The following C1orf159 variants were observed in gnomAD, a reference collection of about 807,000 sequenced individuals.
C1orf159 encodes uncharacterized protein C1orf159.
C1orf159 carries 19 observed loss-of-function variants against 25.6 expected under a neutral mutation model. That is an observed-to-expected ratio of 0.74 (90% CI 0.52 to 1.09). The LOEUF (loss-of-function observed/expected upper bound fraction) is 1.09. C1orf159 is among the 50% of genes least tolerant of loss of function. C1orf159 has a pLI of 0.00. For synonymous variants in C1orf159, 139 were observed against 124.7 expected, an observed-to-expected ratio of 1.12 and a Z score of -0.77; for missense variants, 274 against 290.6, an observed-to-expected ratio of 0.94 and a Z score of 0.42.
At chr1:1,090,902 C>G (rs1354843204) in intron 3 of C1orf159, 1 of 1,550,254 alleles carries the variant, frequency 6.5e-7, no homozygotes, top group East Asian at 2.4e-5. Context: ...CATTCCCTGA[C>G]CACAGGCAGA....
chr1:1,107,924 C>A (rs775873750), intron 1 of C1orf159, among the ~76,000 whole-genome samples: 1 of 152,224 alleles, frequency 6.6e-6, no homozygotes, highest in Admixed American at 6.5e-5. Context: ...CCAAACACAT[C>A]TGAACATCAG....
chr1:1,087,063 G>A lies in C1orf159; in HGVS notation c.310+76C>T. On this transcript the variant is annotated intron_variant, in intron 6 of 9. Transcript: ENST00000421241. The surrounding 1 kb of genome is among the most constrained non-coding windows in gnomAD (Gnocchi z 8.3). ...AGCCTGCTGTGGCTGCGTCAAGGGT[G>A]AGGGTCTGCACTGGCTCCGACGGCC... 1 of 1,413,830 alleles carries A rather than the reference G, an allele frequency of 7.1e-7. No homozygotes were observed. Among genetic ancestry groups the A allele is most frequent in the East Asian group, 2.4e-5 (1 of 42,178 alleles). The allele number at this position is 1,413,830 out of a possible 1,614,324, so 87.6% of individuals were successfully genotyped here.
chr1:1,091,335 T>C (rs755832495), intron 3 of C1orf159, 137 bp downstream of exon 3: 15 of 861,482 alleles, frequency 1.7e-5, no homozygotes, highest in Middle Eastern at 2.2e-4. Context: ...ACCCCAGCAG[T>C]GGACCTGGTC....
rs371815645 is a variant in C1orf159, at chr1:1,087,202, C to A, written c.247G>T (p.Ala83Ser). 8.7e-4 allele frequency: 1,405 copies of A among 1,606,678 alleles called. 18 individuals are homozygous for A. The South Asian group carries it at 0.013, about 15-fold the overall frequency. ...ATGGGGAATGGCGCACCCGGGCCAGCAACTGTGGGATAGCAGAACTGTGGG... is the reference window on the plus strand; with the variant it reads ...ATGGGGAATGGCGCACCCGGGCCAGAAACTGTGGGATAGCAGAACTGTGGG... ...AYNGSECRSF[A>S]GPGAPFPMNR... Residue 83 changes from alanine to serine, a missense_variant and splice_region_variant, in exon 6 of 10, where the codon GCT becomes TCT. Coordinates refer to ENST00000421241, the MANE Select transcript of C1orf159 (RefSeq NM_017891.5). The surrounding 1 kb of genome is among the most constrained non-coding windows in gnomAD (Gnocchi z 8.3).
chr1:1,085,404 G>A (rs1357916586), intron 7 of C1orf159: 1 of 316,326 alleles, frequency 3.2e-6, no homozygotes, highest in East Asian at 9.1e-5. Context: ...AGTGGGAAGG[G>A]GTCAGTGCCC....
At position 1,089,017 on chromosome 1, in the gene C1orf159, C is replaced by T. The variant is rs549990233; in HGVS notation, c.148+1336G>A. 4.3e-4 allele frequency among the ~76,000 whole-genome samples: 66 copies of T among 152,332 alleles called. No homozygotes were observed. Among genetic ancestry groups the T allele is most frequent in the Non-Finnish European group, 5.4e-4 (37 of 68,018 alleles). On this transcript the variant is annotated intron_variant, in intron 4 of 9. Transcript: ENST00000421241. The surrounding 1 kb of genome is among the most constrained non-coding windows in gnomAD (Gnocchi z 7.5). ...GTCTGAGAGTCTCTGCCCCGGAGGCCGAAGAACGGAGTCCACGGCAGGGAG... is the reference window on the plus strand; with the variant it reads ...GTCTGAGAGTCTCTGCCCCGGAGGCTGAAGAACGGAGTCCACGGCAGGGAG...
In C1orf159 at chr1:1,082,922, G is replaced by C; in HGVS notation, c.568C>G (p.Pro190Ala). ...LDRATDPAAFPGEARISNV is the reference protein window; with the variant it reads ...LDRATDPAAFAGEARISNV ...ACATTGCTGATACGGGCCTCCCCCGGGAAGGCAGCGGGATCCGTGGCCCTG... is the reference window on the plus strand; with the variant it reads ...ACATTGCTGATACGGGCCTCCCCCGCGAAGGCAGCGGGATCCGTGGCCCTG... The change falls in exon 10 of 10, where the codon CCG becomes GCG. Residue 190 changes from proline to alanine, a missense_variant. Physicochemically the swap from Pro to Ala is conservative, Grantham distance 27. Coordinates refer to ENST00000421241, the MANE Select transcript of C1orf159 (RefSeq NM_017891.5). 1 of 1,601,988 alleles carries C rather than the reference G, an allele frequency of 6.2e-7. No individual in the cohort carries two copies. The highest frequency in any genetic ancestry group is 1.1e-5 in the South Asian group (1 of 88,950).
At chr1:1,091,130 G>A (rs1459398753) in intron 3 of C1orf159, 4 of 659,722 alleles carry the variant, frequency 6.1e-6, no homozygotes, top group South Asian at 5.8e-5. Context: ...GCTCCGCCTG[G>A]GAGTCTGGAG....
chr1:1,098,129 T>TG, intron 1 of C1orf159, among the ~76,000 whole-genome samples: 2 of 152,116 alleles, frequency 1.3e-5, no homozygotes, highest in East Asian at 3.9e-4. Context: ...AGTGCAGTGG[T>TG]GCGATCTTGG....
Position 1,091,568 on chromosome 1 carries a change from G to C in C1orf159, c.-22-3C>G, listed in dbSNP as rs1645936414. 6.5e-7 allele frequency: 1 copy of C among 1,545,468 alleles called. No individual in the cohort carries two copies. Among genetic ancestry groups the C allele is most frequent in the Non-Finnish European group, 8.7e-7 (1 of 1,144,518 alleles). Reference sequence around the variant, plus strand: ...TGCCAGGAGCAGATGCGCAGAGCCTGCCACAGGGAGGAGCATGCGGAGCCA... The same window carrying C: ...TGCCAGGAGCAGATGCGCAGAGCCTCCCACAGGGAGGAGCATGCGGAGCCA... On this transcript the variant is annotated splice_region_variant and splice_polypyrimidine_tract_variant and intron_variant, in intron 2 of 9. Transcript: ENST00000421241.
Position 1,090,628 on chromosome 1 carries a change from C to T in C1orf159, c.73-200G>A, listed in dbSNP as rs909319500. 7.2e-6 allele frequency: 5 copies of T among 694,906 alleles called. No homozygotes were observed. In the African/African-American group the frequency reaches 8.9e-5, roughly 12 times the overall value. 43.0% of individuals were successfully genotyped at this position (694,906 alleles called of 1,614,324 possible). On this transcript the variant is annotated intron_variant, in intron 3 of 9. Coordinates refer to ENST00000421241, the MANE Select transcript of C1orf159 (RefSeq NM_017891.5). ...GGCCTCACAGCCACAGTGCACATCC[C>T]TGTGGGACCCTGGGTGGGCGGTCTC... is the stretch of plus-strand genomic sequence containing the variant.
At chr1:1,084,082 C>T (rs1645788423) in intron 9 of C1orf159, 2 of 1,603,994 alleles carry the variant, frequency 1.2e-6, no homozygotes, top group African/African-American at 1.3e-5. Context: ...CTGCAGACCC[C>T]ACGTCTCGGG....
At chr1:1,083,539 C>T in intron 9 of C1orf159, 1 of 247,726 alleles carries the variant, frequency 4.0e-6, no homozygotes, top group Non-Finnish European at 7.8e-6. Context: ...CCTGAGCCGG[C>T]AGGGGCTGGG....
chr1:1,099,591 G>A (rs1437674064), intron 1 of C1orf159, among the ~76,000 whole-genome samples: 1 of 152,110 alleles, frequency 6.6e-6, no homozygotes. Flanking sequence ...ATTGTGGGTT[G>A]TCTATTGATG....
At chr1:1,088,572 G>A (rs979402993) in intron 4 of C1orf159, among the ~76,000 whole-genome samples, 5 of 151,188 alleles carry the variant, frequency 3.3e-5, no homozygotes, top group East Asian at 4.0e-4. Context: ...CCGACGCTGC[G>A]CCTGAAGCCT....
At chr1:1,083,957 G>A (rs755872557) in intron 9 of C1orf159, 12 of 1,602,748 alleles carry the variant, frequency 7.5e-6, no homozygotes, top group Middle Eastern at 3.3e-4. Context: ...CCACTGAAGC[G>A]ATGGCTGCTC....
Position 1,100,151 on chromosome 1 carries a change from T to C in C1orf159, c.-135-8048A>G, listed in dbSNP as rs564914242. ...AGACACACACACCACAGTGCATCTT[T>C]TGTAGACAGCATGTAGTAAATCTTG... is the stretch of plus-strand genomic sequence containing the variant. On this transcript the variant is annotated intron_variant, in intron 1 of 9. Transcript: ENST00000421241. Among the ~76,000 whole-genome samples, 13 of 152,350 alleles carry C rather than the reference T, an allele frequency of 8.5e-5. No individual in the cohort carries two copies. In the East Asian group the frequency reaches 2.1e-3, roughly 25 times the overall value.
intron 4 of C1orf159, among the ~76,000 whole-genome samples, chr1:1,088,988 C>T (rs1645881753): frequency 6.6e-6 from 1 of 152,252 alleles, no homozygotes. Context: ...TTCAGCGAGG[C>T]TCTGTCTGAG....
At chr1:1,084,432 A>G in intron 8 of C1orf159, 49 bp from the exon 9 acceptor site, 1 of 1,580,446 alleles carries the variant, frequency 6.3e-7, no homozygotes, top group Non-Finnish European at 8.6e-7. Context: ...GGCCTGGCAC[A>G]GGCACACGCG....
Sources: gnomAD v4.1 joint callset for allele counts (sites outside exome capture counted in the v4.1 genomes callset) on GRCh38, gnomAD v4.1.1 for gene constraint, Gnocchi (gnomAD v3.1) non-coding constraint, MANE v1.5 for transcripts, NCBI Gene and HGNC (gene_info 2026-07-23, HGNC 2026-07-21) for gene names.